FSTL5: variants seen among roughly 807,000 people sequenced by gnomAD.
The protein encoded by FSTL5 is follistatin-related protein 5.
In FSTL5, 62 loss-of-function variants were observed where a neutral mutation model predicts 89.1. That is an observed-to-expected ratio of 0.70 (90% CI 0.57 to 0.86). FSTL5 has a LOEUF of 0.86. FSTL5 is among the 40% of genes least tolerant of loss of function. The pLI, the probability that FSTL5 is intolerant of heterozygous loss-of-function variation, is 0.00. For synonymous variants in FSTL5, 383 were observed against 346.2 expected (o/e 1.11, Z -1.18); for missense variants, 1,057 against 1,001.6 (o/e 1.06, Z -0.75).
intron 3 of FSTL5, among the ~76,000 whole-genome samples, chr4:161,957,128 C>T (rs1011862502): frequency 6.6e-6 from 1 of 151,678 alleles, no homozygotes; most frequent in Non-Finnish European, 1.5e-5. Flanking sequence ...GATCCTTGGG[C>T]TATAAAATGA....
chr4:162,140,779 G>C (rs1479089957), intron 1 of FSTL5, among the ~76,000 whole-genome samples: 1 of 152,128 alleles, frequency 6.6e-6, no homozygotes, highest in Non-Finnish European at 1.5e-5. Flanking sequence ...CAATATACAG[G>C]TTTGACATGT....
intron 8 of FSTL5, among the ~76,000 whole-genome samples, chr4:161,555,693 T>C (rs1732362816): frequency 6.6e-6 from 1 of 151,602 alleles, no homozygotes; most frequent in African/African-American, 2.4e-5. Flanking sequence ...GAAACTCTTC[T>C]GAGGATTAAA....
intron 1 of FSTL5, among the ~76,000 whole-genome samples, chr4:162,141,460 T>G (rs1732744024): frequency 6.6e-6 from 1 of 152,100 alleles, no homozygotes; most frequent in African/African-American, 2.4e-5. Flanking sequence ...ATACATCTGC[T>G]CTGTCTTTGT....
intron 13 of FSTL5, among the ~76,000 whole-genome samples, chr4:161,470,755 CTTTAA>C (rs1274224507): frequency 4.6e-5 from 7 of 152,094 alleles, no homozygotes; most frequent in Non-Finnish European, 1.0e-4. Flanking sequence ...TATATATCTC[CTTTAA>C]TTTCTTTCAG....
In FSTL5 at chr4:161,997,174, C is replaced by T. The variant is rs561732134; in HGVS notation, c.160+36451G>A. ...CAACATTTTGAACTAATAAGTTCCT[C>T]AAAGGTTAGACAAATAAATACATCT... On this transcript the variant is annotated intron_variant, in intron 3 of 15. Coordinates refer to ENST00000306100, the MANE Select transcript of FSTL5 (RefSeq NM_020116.5). Among the ~76,000 whole-genome samples, 30 of 152,258 alleles carry T rather than the reference C, an allele frequency of 2.0e-4. No individual in the cohort carries two copies. The South Asian group carries it at 5.2e-3, about 26-fold the overall frequency.
At chr4:161,863,762 G>A (rs1180765304) in intron 4 of FSTL5, among the ~76,000 whole-genome samples, 1 of 152,144 alleles carries the variant, frequency 6.6e-6, no homozygotes, top group African/African-American at 2.4e-5. Flanking sequence ...GACGGCTACA[G>A]ACCTGCCACC....
intron 4 of FSTL5, among the ~76,000 whole-genome samples, chr4:161,778,920 A>G (rs969236086): frequency 3.3e-5 from 5 of 152,224 alleles, no homozygotes; most frequent in Non-Finnish European, 7.3e-5. Flanking sequence ...CACCATTCCA[A>G]TAGCCTTTCC....
chr4:161,534,268 T>C (rs140484427), intron 10 of FSTL5, among the ~76,000 whole-genome samples: 39 of 152,094 alleles, frequency 2.6e-4, no homozygotes, highest in East Asian at 2.3e-3. Flanking sequence ...GACATCCAAA[T>C]AGGAAAAGAA....
Position 161,620,245 on chromosome 4 carries a change from C to T in FSTL5, c.895-32670G>A, listed in dbSNP as rs534683885. On this transcript the variant is annotated intron_variant, in intron 7 of 15. Transcript: ENST00000306100. ...AGGAGATATACCTAATGCTAAATGACGAGTTAATGGGTGCAGCACACCAGC... is the reference window on the plus strand; with the variant it reads ...AGGAGATATACCTAATGCTAAATGATGAGTTAATGGGTGCAGCACACCAGC... 6.4e-4 allele frequency among the ~76,000 whole-genome samples: 97 copies of T among 150,886 alleles called. 1 individual carries two copies. The highest frequency in any genetic ancestry group is 2.2e-3 in the African/African-American group (90 of 41,142).
chr4:161,926,597 AAC>A (rs1235710884), intron 3 of FSTL5, among the ~76,000 whole-genome samples: 12 of 151,766 alleles, frequency 7.9e-5, no homozygotes, highest in Non-Finnish European at 1.5e-5. Flanking sequence ...CTAATATGGC[AAC>A]AGTTATTTCT....
At chr4:161,708,613 T>A (rs1738668472) in intron 6 of FSTL5, among the ~76,000 whole-genome samples, 2 of 152,040 alleles carry the variant, frequency 1.3e-5, no homozygotes, top group African/African-American at 2.4e-5. Flanking sequence ...TAAATTATTT[T>A]AAAAATTTTC....
intron 2 of FSTL5, among the ~76,000 whole-genome samples, chr4:162,107,475 C>T (rs977907397): frequency 2.0e-5 from 3 of 152,130 alleles, no homozygotes; most frequent in Non-Finnish European, 2.9e-5. Flanking sequence ...GTCCAAGGAA[C>T]TTTCTCACAA....
chr4:162,059,926 A>C (rs2111278708), intron 2 of FSTL5, among the ~76,000 whole-genome samples: 1 of 152,260 alleles, frequency 6.6e-6, no homozygotes, highest in East Asian at 1.9e-4. Context: ...TAGTGTGCAT[A>C]AGAATCACCA....
intron 7 of FSTL5, among the ~76,000 whole-genome samples, chr4:161,593,841 C>T (rs10005773): frequency 0.59 from 88,953 of 151,832 alleles, 26,812 homozygotes; most frequent in East Asian, 0.75. Flanking sequence ...AAAGTAACTA[C>T]TGATACAAAC....
intron 7 of FSTL5, among the ~76,000 whole-genome samples, chr4:161,637,469 G>T (rs1039164511): frequency 6.6e-6 from 1 of 151,622 alleles, no homozygotes; most frequent in Admixed American, 6.6e-5. Flanking sequence ...TTAGTTTAAT[G>T]AGATCTCATT....
chr4:161,856,107 C>T (rs1731712142), intron 4 of FSTL5, among the ~76,000 whole-genome samples: 1 of 151,868 alleles, frequency 6.6e-6, no homozygotes, highest in Non-Finnish European at 1.5e-5. Flanking sequence ...GTACTAATTA[C>T]TAATGGAAGC....
chr4:161,487,193 T>C (rs1729709798), intron 12 of FSTL5, among the ~76,000 whole-genome samples: 1 of 152,206 alleles, frequency 6.6e-6, no homozygotes, highest in Non-Finnish European at 1.5e-5. Flanking sequence ...AACATAATGC[T>C]GAAGGTGCAA....
At chr4:161,670,206 G>GT (rs1273689044) in intron 6 of FSTL5, among the ~76,000 whole-genome samples, 14 of 152,198 alleles carry the variant, frequency 9.2e-5, no homozygotes, top group Middle Eastern at 3.4e-3. Context: ...ATGAAGGAAG[G>GT]TATCTAATCA....
intron 3 of FSTL5, among the ~76,000 whole-genome samples, chr4:161,950,138 G>T (rs1333244429): frequency 1.3e-5 from 2 of 152,110 alleles, no homozygotes; most frequent in African/African-American, 4.8e-5. Context: ...TACTGATTCA[G>T]TTAGAATGAA....
Sources: gnomAD v4.1 joint callset for allele counts (sites outside exome capture counted in the v4.1 genomes callset) on GRCh38, gnomAD v4.1.1 for gene constraint, MANE v1.5 for transcripts, NCBI Gene and HGNC (gene_info 2026-07-23, HGNC 2026-07-21) for gene names.